Variants in DROSHA observed in about 807,000 individuals in gnomAD.
DROSHA encodes drosha ribonuclease III, also known as ribonuclease 3.
A neutral mutation model predicts 181.9 loss-of-function variants in DROSHA; 56 were observed. That is an observed-to-expected ratio of 0.31 (90% CI 0.25 to 0.38). The LOEUF (loss-of-function observed/expected upper bound fraction) is 0.38. Among genes scored for constraint, DROSHA ranks in the 10% least tolerant of loss-of-function variants. The pLI is 1.00. For missense variants in DROSHA, 1,218 were observed against 1,743.5 expected (o/e 0.70, Z 5.37); for synonymous variants, 524 against 591.2 (o/e 0.89, Z 1.65).
At chr5:31,494,482 T>G (rs1231603749) in intron 12 of DROSHA, among the ~76,000 whole-genome samples, 1 of 152,064 alleles carries the variant, frequency 6.6e-6, no homozygotes, top group African/African-American at 2.4e-5. Flanking sequence ...AAAGATGGTC[T>G]AAATTAAATA....
chr5:31,513,052 T>A (rs886455144), intron 8 of DROSHA, among the ~76,000 whole-genome samples: 1 of 152,160 alleles, frequency 6.6e-6, no homozygotes, highest in East Asian at 1.9e-4. Flanking sequence ...ATGCCATTTG[T>A]GGAACTCTGT....
chr5:31,429,654 A>G, intron 26 of DROSHA, 109 bp from the exon 27 acceptor site: 3 of 774,378 alleles, frequency 3.9e-6, no homozygotes, highest in Non-Finnish European at 6.3e-6. Context: ...CTCACAGAAA[A>G]CAAATCAACA....
intron 27 of DROSHA, among the ~76,000 whole-genome samples, chr5:31,428,278 G>A (rs1743721384): frequency 6.6e-6 from 1 of 151,012 alleles, no homozygotes; most frequent in Non-Finnish European, 1.5e-5. Context: ...GGACAGGGAG[G>A]AGGTGGGGGT....
intron 22 of DROSHA, 146 bp downstream of exon 22, chr5:31,449,134 CA>C (rs371567874): frequency 0.21 from 190,850 of 896,352 alleles, 283 homozygotes; most frequent in South Asian, 0.25. Context: ...GACCCTGTCT[CA>C]AAAAAAAAAA....
chr5:31,451,468 G>A, intron 21 of DROSHA, 65 bp downstream of exon 21: 1 of 1,343,360 alleles, frequency 7.4e-7, no homozygotes, highest in Non-Finnish European at 1.0e-6. Flanking sequence ...TGTACCATTT[G>A]TGACCTGCAA....
chr5:31,438,593 A>T (rs1745172006), intron 23 of DROSHA, among the ~76,000 whole-genome samples: 1 of 152,122 alleles, frequency 6.6e-6, no homozygotes, highest in Non-Finnish European at 1.5e-5. Flanking sequence ...GAAAAGCAAG[A>T]GGTGCATTTT....
intron 16 of DROSHA, among the ~76,000 whole-genome samples, chr5:31,482,716 T>A (rs1392759160): frequency 6.6e-6 from 1 of 151,816 alleles, no homozygotes; most frequent in African/African-American, 2.4e-5. Context: ...GGTAATTGAC[T>A]AGGAAATAAA....
chr5:31,524,907 A>ATT (rs1275008111), intron 5 of DROSHA, among the ~76,000 whole-genome samples: 1 of 152,206 alleles, frequency 6.6e-6, no homozygotes, highest in Non-Finnish European at 1.5e-5. Context: ...ATTAAAAGCA[A>ATT]TTTTAGGCCA....
In DROSHA at chr5:31,504,232, C is replaced by A. The variant is rs76943456; in HGVS notation, c.1668+323G>T. Among the ~76,000 whole-genome samples, 9 of 152,012 alleles carry A rather than the reference C, an allele frequency of 5.9e-5. No individual in the cohort carries two copies. The East Asian group carries it at 1.4e-3, about 23-fold the overall frequency. Reference sequence around the variant, plus strand: ...CTTTACTAAGAGCGTCGCTCCAGGGCCATTCATAGCCACTTATGATGAAAC... The same window carrying A: ...CTTTACTAAGAGCGTCGCTCCAGGGACATTCATAGCCACTTATGATGAAAC... On this transcript the variant is annotated intron_variant, in intron 11 of 35. Transcript: ENST00000344624.
Position 31,411,949 on chromosome 5 carries a change from A to G in DROSHA, c.3526-1062T>C, listed in dbSNP as rs1445994927. 6.6e-6 allele frequency among the ~76,000 whole-genome samples: 1 copy of G among 152,236 alleles called. No individual in the cohort carries two copies. The highest frequency in any genetic ancestry group is 1.9e-4 in the East Asian group (1 of 5,202). ...GCCCATACTGGTATCCTTTGTCTCT[A>G]ATCAAATTAAAATATAATTTTCATA... On this transcript the variant is annotated intron_variant, in intron 30 of 35. Transcript: ENST00000344624. The surrounding 1 kb of genome is among the most constrained non-coding windows in gnomAD (Gnocchi z 4.2).
intron 22 of DROSHA, 45 bp downstream of exon 22, chr5:31,449,236 C>A: frequency 6.2e-7 from 1 of 1,604,850 alleles, no homozygotes; most frequent in South Asian, 1.1e-5. Flanking sequence ...ACAGAAAACA[C>A]AGGCCAAAAT....
At chr5:31,424,741 T>A (rs112100660) in intron 27 of DROSHA, among the ~76,000 whole-genome samples, 1 of 152,182 alleles carries the variant, frequency 6.6e-6, no homozygotes, top group African/African-American at 2.4e-5. Flanking sequence ...CTAAGTTACA[T>A]ATTTGGTTAA....
intron 23 of DROSHA, among the ~76,000 whole-genome samples, chr5:31,439,785 A>G (rs1191179776): frequency 6.6e-6 from 1 of 152,204 alleles, no homozygotes; most frequent in African/African-American, 2.4e-5. Context: ...CTGGCTGCTG[A>G]AAGAGAAAAT....
In DROSHA at chr5:31,515,124, G is replaced by A; in HGVS notation, c.1154C>T (p.Thr385Ile). ...CTCGGGCTCTTTTTCCTTGATTGAG[G>A]TATAGTTCTTGTCTTTGCCAGAACT... is the stretch of plus-strand genomic sequence containing the variant. Reference protein sequence around the residue: ...NQSSGKDKNYTSIKEKEPEET... With the variant: ...NQSSGKDKNYISIKEKEPEET... The change falls in exon 8 of 36, where the codon ACC becomes ATC. Residue 385 changes from threonine to isoleucine, a missense_variant. Thr to Ile is a moderately conservative substitution (Grantham distance 89). Coordinates refer to ENST00000344624, the MANE Select transcript of DROSHA (RefSeq NM_001382508.1). 6.2e-7 allele frequency: 1 copy of A among 1,613,912 alleles called. No homozygotes were observed. Among genetic ancestry groups the A allele is most frequent in the East Asian group, 2.2e-5 (1 of 44,892 alleles).
At chr5:31,464,006 G>A (rs1222705598) in intron 20 of DROSHA, 3 of 533,538 alleles carry the variant, frequency 5.6e-6, no homozygotes, top group Non-Finnish European at 1.0e-5. Flanking sequence ...TACTAAGTAA[G>A]CTTCTCCCTG....
In DROSHA at chr5:31,526,406, T is replaced by C. The variant is rs138754603; in HGVS notation, c.527A>G (p.Asn176Ser). ...ACTATTAAAACTGGGAGGTGGGAAG[T>C]TGTGGTGAGAATAGCCCGGAGGGTA... ...YQYPPGYSHH[N>S]FPPPSFNSFQ... The change falls in exon 5 of 36, where the codon AAC becomes AGC. Residue 176 changes from asparagine (N) to serine (S), a missense_variant. This residue lies in a region of DROSHA where 536 missense variants were observed against 535.4 expected (regional missense o/e 1.00). Transcript: ENST00000344624. 66 of 1,612,808 alleles carry C rather than the reference T, an allele frequency of 4.1e-5. 1 individual carries two copies. In the African/African-American group the frequency reaches 7.8e-4, roughly 19 times the overall value.
intron 11 of DROSHA, among the ~76,000 whole-genome samples, chr5:31,499,899 A>C (rs1369216628): frequency 6.6e-6 from 1 of 151,988 alleles, no homozygotes; most frequent in Non-Finnish European, 1.5e-5. Context: ...GCCAGAAGAA[A>C]CTCTCACTAC....
intron 23 of DROSHA, among the ~76,000 whole-genome samples, chr5:31,446,841 A>G (rs1020300305): frequency 1.3e-5 from 2 of 152,140 alleles, no homozygotes; most frequent in African/African-American, 2.4e-5. Context: ...GGAGTTGGAG[A>G]CCAGCCTGGC....
chr5:31,532,028 C>T lies in DROSHA; in HGVS notation c.-288G>A. 3.4e-6 allele frequency: 1 copy of T among 290,440 alleles called. No homozygotes were observed. 18.0% of individuals were successfully genotyped at this position (290,440 alleles called of 1,614,324 possible). ...TCGGGCCGCGAGATCGCCGTCAGAG[C>T]AAAGCCAGGCTACTACCGCAGGTAC... On this transcript the variant is annotated 5_prime_UTR_variant, in exon 1 of 36. Coordinates refer to ENST00000344624, the MANE Select transcript of DROSHA (RefSeq NM_001382508.1).
Sources: allele counts gnomAD v4.1 joint callset (sites outside exome capture counted in the v4.1 genomes callset), GRCh38; gene constraint gnomAD v4.1.1; regional missense constraint gnomAD v4.1.1; non-coding constraint Gnocchi (gnomAD v3.1); transcripts MANE v1.5; gene names NCBI Gene and HGNC (gene_info 2026-07-23, HGNC 2026-07-21).